Variants in RAPGEF1 observed in about 807,000 individuals in gnomAD.
The protein encoded by RAPGEF1 is Rap guanine nucleotide exchange factor 1, also known as CRK SH3-binding GNRP.
Under a neutral mutation model 143.3 loss-of-function variants are expected in RAPGEF1, and 33 were observed. That is an observed-to-expected ratio of 0.23 (90% CI 0.17 to 0.31). The LOEUF (loss-of-function observed/expected upper bound fraction) is 0.31. Among genes scored for constraint, RAPGEF1 ranks in the 10% least tolerant of loss-of-function variants. The probability of loss-of-function intolerance (pLI) is 1.00; values close to 1 mark genes in which losing one functional copy is unlikely to be tolerated. For missense variants in RAPGEF1, 1,199 were observed against 1,645.4 expected, an observed-to-expected ratio of 0.73 and a Z score of 4.69; for synonymous variants, 629 against 676.5, an observed-to-expected ratio of 0.93 and a Z score of 1.09.
chr9:131,621,919 G>A lies in RAPGEF1; in HGVS notation c.1782C>T (p.His594=). 1.2e-6 allele frequency: 2 copies of A among 1,613,816 alleles called. No individual in the cohort carries two copies. The highest frequency in any genetic ancestry group is 2.7e-5 in the African/African-American group (2 of 75,036). ...GGAGCTTGTTCTTCTGCTGGTAGAT[G>A]TGCTCGTTCTGTGGCGTCTGGTAGA... ...SMFYQTPQNE[H]IYQQKNKLLM... is the part of the protein sequence containing the mutation. Residue 594 remains histidine, a synonymous_variant, in exon 11 of 27, where the codon CAC becomes CAT. Coordinates refer to ENST00000683357, the MANE Select transcript of RAPGEF1 (RefSeq NM_001377935.1). The surrounding 1 kb of genome is among the most constrained non-coding windows in gnomAD (Gnocchi z 4.5).
At chr9:131,654,313 A>C (rs1295616174) in intron 1 of RAPGEF1, among the ~76,000 whole-genome samples, 1 of 152,230 alleles carries the variant, frequency 6.6e-6, no homozygotes, top group Admixed American at 6.5e-5. Context: ...TATTTTTTTA[A>C]AAAAGCCCAC....
At chr9:131,730,193 C>CAAAAAAAAAAAAAAAAAA (rs57402366) in intron 1 of RAPGEF1, among the ~76,000 whole-genome samples, 1 of 67,000 alleles carries the variant, frequency 1.5e-5, no homozygotes, top group Admixed American at 2.0e-4. Context: ...GACTCCCTCT[C>CAAAAAAAAAAAAAAAAAA]AAAAAAAAAA....
intron 1 of RAPGEF1, among the ~76,000 whole-genome samples, chr9:131,699,124 C>T (rs2131096621): frequency 6.6e-6 from 1 of 152,312 alleles, no homozygotes; most frequent in Admixed American, 6.5e-5. Flanking sequence ...TTAACAACTA[C>T]CACCTTGTGT....
chr9:131,619,951 G>A (rs1035006298), intron 11 of RAPGEF1, among the ~76,000 whole-genome samples: 4 of 152,178 alleles, frequency 2.6e-5, no homozygotes, highest in African/African-American at 7.2e-5. Context: ...CTAGCTGTGG[G>A]CTTGGATTAA....
chr9:131,711,286 A>C (rs1447019073), intron 1 of RAPGEF1, among the ~76,000 whole-genome samples: 9 of 151,846 alleles, frequency 5.9e-5, no homozygotes, highest in Admixed American at 5.2e-4. Flanking sequence ...TCCTGGTCTC[A>C]AGTGAACCTC....
chr9:131,695,035 C>A (rs1834056735), intron 1 of RAPGEF1, among the ~76,000 whole-genome samples: 1 of 139,784 alleles, frequency 7.2e-6, no homozygotes, highest in South Asian at 2.5e-4. Context: ...TCTTTACATG[C>A]AACTCACTAA....
rs528127940 is a variant in RAPGEF1, at chr9:131,583,857, T to C, written c.3414+454A>G. ...TCCTCCTCCTCTGCAGATGGTGGCATGAGTGACACTTCCTCTGGGCTGGCC... is the reference window on the plus strand; with the variant it reads ...TCCTCCTCCTCTGCAGATGGTGGCACGAGTGACACTTCCTCTGGGCTGGCC... On this transcript the variant is annotated intron_variant, in intron 24 of 26. Transcript: ENST00000683357. This position sits in a 1 kb window ranked among gnomAD's most constrained non-coding sequence, Gnocchi z 4.7. 2.8e-4 allele frequency among the ~76,000 whole-genome samples: 43 copies of C among 152,228 alleles called. No individual in the cohort carries two copies. Among genetic ancestry groups the C allele is most frequent in the Non-Finnish European group, 5.0e-4 (34 of 68,026 alleles).
intron 12 of RAPGEF1, among the ~76,000 whole-genome samples, chr9:131,615,195 C>A (rs1958753903): frequency 6.6e-6 from 1 of 152,244 alleles, no homozygotes. Flanking sequence ...TCCTCAGCCT[C>A]CCAAGTAGCT....
chr9:131,668,231 G>A (rs1588915267), intron 1 of RAPGEF1, among the ~76,000 whole-genome samples: 2 of 152,270 alleles, frequency 1.3e-5, no homozygotes, highest in South Asian at 4.1e-4. Context: ...GCTGCTTGAG[G>A]GGATGGAAGG....
intron 1 of RAPGEF1, among the ~76,000 whole-genome samples, chr9:131,690,668 T>C (rs1344079093): frequency 6.6e-6 from 1 of 152,114 alleles, no homozygotes; most frequent in African/African-American, 2.4e-5. Context: ...TCAGGCATGG[T>C]GGCATACACC....
At chr9:131,691,204 CAT>C (rs1389405462) in intron 1 of RAPGEF1, among the ~76,000 whole-genome samples, 1 of 152,164 alleles carries the variant, frequency 6.6e-6, no homozygotes, top group African/African-American at 2.4e-5. Context: ...TCCACAATGA[CAT>C]GTGATACTAT....
chr9:131,598,056 A>T, intron 16 of RAPGEF1, 143 bp downstream of exon 16: 1 of 685,178 alleles, frequency 1.5e-6, no homozygotes, highest in Non-Finnish European at 2.5e-6. Context: ...CCCACAGCCC[A>T]GAGGCTCACC....
intron 1 of RAPGEF1, among the ~76,000 whole-genome samples, chr9:131,737,965 CTCA>C (rs1837529612): frequency 1.7e-5 from 1 of 57,356 alleles, no homozygotes; most frequent in Non-Finnish European, 3.3e-5. Flanking sequence ...AAGACTCCGT[CTCA>C]AAAAAAAAAA....
intron 3 of RAPGEF1, among the ~76,000 whole-genome samples, chr9:131,645,811 C>T (rs1481778996): frequency 6.6e-6 from 1 of 152,220 alleles, no homozygotes. Flanking sequence ...CCACATAAGC[C>T]TGGAAACTAA....
intron 25 of RAPGEF1, among the ~76,000 whole-genome samples, chr9:131,582,072 C>T (rs931615903): frequency 9.9e-5 from 15 of 152,190 alleles, no homozygotes; most frequent in African/African-American, 1.9e-4. Flanking sequence ...TTGGTTATTC[C>T]GCTACGTCCC....
chr9:131,690,388 T>C (rs1042428327), intron 1 of RAPGEF1, among the ~76,000 whole-genome samples: 1 of 152,206 alleles, frequency 6.6e-6, no homozygotes, highest in Non-Finnish European at 1.5e-5. Context: ...TTGTGGAAGA[T>C]GAATCTTGTG....
chr9:131,614,839 T>A (rs965342013), intron 12 of RAPGEF1, among the ~76,000 whole-genome samples: 1 of 152,120 alleles, frequency 6.6e-6, no homozygotes. Context: ...CTGAAGTTTT[T>A]TTTTTTTTTT....
chr9:131,647,630 C>T lies in RAPGEF1; in HGVS notation c.315+2499G>A, dbSNP rs143621666. On this transcript the variant is annotated intron_variant, in intron 3 of 26. Transcript: ENST00000683357. ...TCTTGGACATAATCCTCTAAGTCCA[C>T]GTACTCTGGGAAGTTTCTCAATGCT... 5.3e-5 allele frequency among the ~76,000 whole-genome samples: 8 copies of T among 152,340 alleles called. 1 individual carries two copies. The highest frequency in any genetic ancestry group is 8.8e-5 in the Non-Finnish European group (6 of 68,036).
Position 131,621,879 on chromosome 9 carries a change from C to T in RAPGEF1, c.1822G>A (p.Gly608Ser). ...ACCCCACTGAAGGAGTCGCTGAAGCCGTATACCTCCATGAGGAGCTTGTTC... is the reference window on the plus strand; with the variant it reads ...ACCCCACTGAAGGAGTCGCTGAAGCTGTATACCTCCATGAGGAGCTTGTTC... ...QKNKLLMEVYGFSDSFSGVDS... is the reference protein window; with the variant it reads ...QKNKLLMEVYSFSDSFSGVDS... The change falls in exon 11 of 27, where the codon GGC becomes AGC. Residue 608 changes from glycine to serine, a missense_variant. This residue lies in a region of RAPGEF1 where 293 missense variants were observed against 356.2 expected (regional missense o/e 0.82). Transcript: ENST00000683357. This position sits in a 1 kb window ranked among gnomAD's most constrained non-coding sequence, Gnocchi z 4.5. The T allele has an allele frequency of 6.2e-7, 1 of 1,613,010 alleles. No homozygotes were observed. The highest frequency in any genetic ancestry group is 8.5e-7 in the Non-Finnish European group (1 of 1,179,506).
Sources: allele counts gnomAD v4.1 joint callset (sites outside exome capture counted in the v4.1 genomes callset), GRCh38; gene constraint gnomAD v4.1.1; regional missense constraint gnomAD v4.1.1; non-coding constraint Gnocchi (gnomAD v3.1); transcripts MANE v1.5; gene names NCBI Gene and HGNC (gene_info 2026-07-23, HGNC 2026-07-21).